Variants in FAXC observed in about 807,000 individuals in gnomAD.
FAXC encodes the protein failed axon connections homolog.
Under a neutral mutation model 41.9 loss-of-function variants are expected in FAXC, and 10 were observed. That is an observed-to-expected ratio of 0.24 (90% confidence interval 0.15 to 0.41). FAXC has a LOEUF of 0.41. FAXC is among the 10% of genes least tolerant of loss of function. The pLI is 1.00. For synonymous variants in FAXC, 183 were observed against 183.8 expected, an observed-to-expected ratio of 1.00 and a Z score of 0.03; for missense variants, 399 against 510.9, an observed-to-expected ratio of 0.78 and a Z score of 2.11.
At chr6:99,322,386 G>C (rs1227351383) in intron 4 of FAXC, among the ~76,000 whole-genome samples, 1 of 152,140 alleles carries the variant, frequency 6.6e-6, no homozygotes, top group African/African-American at 2.4e-5. Flanking sequence ...ATCCAGAACG[G>C]CCTCTACCCA....
In FAXC at chr6:99,349,587, C is replaced by G. The variant is rs111397941; in HGVS notation, c.-215G>C. On this transcript the variant is annotated 5_prime_UTR_variant, in exon 1 of 6. Transcript: ENST00000389677. ...GACGGCGGGCCTGGCCGGCGGGGCC[C>G]CAGAGCCCTGGGCGGCAGCAGCGGC... 1 of 173,884 alleles carries G rather than the reference C, an allele frequency of 5.8e-6. No homozygotes were observed. Among genetic ancestry groups the G allele is most frequent in the Non-Finnish European group, 1.1e-5 (1 of 87,618 alleles). 10.8% of individuals were successfully genotyped at this position (173,884 alleles called of 1,614,324 possible).
intron 4 of FAXC, among the ~76,000 whole-genome samples, chr6:99,294,322 G>A (rs935758224): frequency 4.6e-5 from 7 of 152,178 alleles, no homozygotes; most frequent in African/African-American, 7.2e-5. Flanking sequence ...TGCCTCCACC[G>A]CACCCCTGCT....
chr6:99,284,716 C>A (rs1420316252), intron 5 of FAXC, among the ~76,000 whole-genome samples: 1 of 152,044 alleles, frequency 6.6e-6, no homozygotes, highest in African/African-American at 2.4e-5. Context: ...AGTTCGATAC[C>A]AGCCTGGCCA....
chr6:99,271,552 A>T lies in FAXC; in HGVS notation c.*9612T>A, dbSNP rs563638893. Reference sequence around the variant, plus strand: ...CTAACATGACACTCAAAGGAAACGGACATTGGATCATTTCAGATTTCCAGT... The same window carrying T: ...CTAACATGACACTCAAAGGAAACGGTCATTGGATCATTTCAGATTTCCAGT... On this transcript the variant is annotated 3_prime_UTR_variant, in exon 6 of 6. Transcript: ENST00000389677. The T allele has an allele frequency of 3.3e-5, 5 of 152,336 alleles. No individual in the cohort carries two copies. Among genetic ancestry groups the T allele is most frequent in the African/African-American group, 1.2e-4 (5 of 41,576 alleles). 9.4% of individuals were successfully genotyped at this position (152,336 alleles called of 1,614,324 possible).
At chr6:99,291,910 CT>C in intron 4 of FAXC, 90 bp from the exon 5 acceptor site, 1 of 937,360 alleles carries the variant, frequency 1.1e-6, no homozygotes, top group Non-Finnish European at 1.8e-6. Context: ...TTACATATTC[CT>C]TTACTGATAC....
chr6:99,295,905 T>C (rs1322509701), intron 4 of FAXC, among the ~76,000 whole-genome samples: 1 of 152,226 alleles, frequency 6.6e-6, no homozygotes, highest in Non-Finnish European at 1.5e-5. Context: ...CTAATTTTAG[T>C]GTCCATTGGT....
chr6:99,348,610 T>G (rs1336682643), intron 1 of FAXC, among the ~76,000 whole-genome samples: 1 of 152,196 alleles, frequency 6.6e-6, no homozygotes, highest in Non-Finnish European at 1.5e-5. Context: ...CCACTACACT[T>G]GGTCATGCAT....
intron 4 of FAXC, among the ~76,000 whole-genome samples, chr6:99,306,403 G>C (rs1340921368): frequency 2.0e-5 from 3 of 152,188 alleles, no homozygotes; most frequent in African/African-American, 7.2e-5. Flanking sequence ...CATTCATGGA[G>C]AGAGGTCAGA....
chr6:99,323,194 G>C (rs1206420461), intron 4 of FAXC, among the ~76,000 whole-genome samples: 1 of 152,178 alleles, frequency 6.6e-6, no homozygotes, highest in Non-Finnish European at 1.5e-5. Context: ...AGGTGGTGAG[G>C]CTGAAGCATG....
At chr6:99,293,374 T>C (rs1418442970) in intron 4 of FAXC, among the ~76,000 whole-genome samples, 1 of 152,196 alleles carries the variant, frequency 6.6e-6, no homozygotes, top group Non-Finnish European at 1.5e-5. Context: ...TTATATGTGC[T>C]CACCACTTCT....
At chr6:99,293,704 G>GTGTGTGTC (rs1554198531) in intron 4 of FAXC, among the ~76,000 whole-genome samples, 9 of 101,916 alleles carry the variant, frequency 8.8e-5, no homozygotes, top group African/African-American at 3.1e-4. Context: ...GTGTGTGTGT[G>GTGTGTGTC]TGTGTGTGTC....
intron 1 of FAXC, among the ~76,000 whole-genome samples, chr6:99,346,411 G>C (rs1328716500): frequency 6.6e-6 from 1 of 151,946 alleles, no homozygotes; most frequent in South Asian, 2.1e-4. Context: ...TTTTTGAGAC[G>C]GAGTCTCGCT....
At chr6:99,322,112 G>A (rs977531720) in intron 4 of FAXC, among the ~76,000 whole-genome samples, 3 of 152,194 alleles carry the variant, frequency 2.0e-5, no homozygotes, top group African/African-American at 7.2e-5. Flanking sequence ...AGGTCTACCT[G>A]GTCCCAGTGG....
At chr6:99,307,180 A>G (rs1771958906) in intron 4 of FAXC, among the ~76,000 whole-genome samples, 2 of 152,224 alleles carry the variant, frequency 1.3e-5, no homozygotes, top group South Asian at 2.1e-4. Context: ...AGAGCCAACT[A>G]GTAGCAGGTC....
chr6:99,322,530 G>A (rs1258334588), intron 4 of FAXC, among the ~76,000 whole-genome samples: 1 of 152,186 alleles, frequency 6.6e-6, no homozygotes, highest in African/African-American at 2.4e-5. Flanking sequence ...TACTGCAGAT[G>A]AGGGAGAGCC....
At chr6:99,311,066 T>C (rs939064118) in intron 4 of FAXC, among the ~76,000 whole-genome samples, 15 of 152,266 alleles carry the variant, frequency 9.9e-5, no homozygotes, top group Admixed American at 9.8e-4. Flanking sequence ...GGAAGATTCA[T>C]TGTTCAAAGC....
chr6:99,336,681 G>A (rs1403045907), intron 2 of FAXC, among the ~76,000 whole-genome samples: 2 of 152,116 alleles, frequency 1.3e-5, no homozygotes, highest in African/African-American at 2.4e-5. Context: ...ATTTATTCAC[G>A]GAGTGACCCT....
intron 4 of FAXC, among the ~76,000 whole-genome samples, chr6:99,297,467 C>T (rs990527945): frequency 1.3e-5 from 2 of 152,058 alleles, no homozygotes; most frequent in African/African-American, 2.4e-5. Flanking sequence ...AAAGCTGAAG[C>T]GAGCTGAACT....
intron 2 of FAXC, among the ~76,000 whole-genome samples, chr6:99,341,944 C>T (rs1272507129): frequency 1.3e-5 from 2 of 151,960 alleles, no homozygotes; most frequent in African/African-American, 4.8e-5. Context: ...ATGGCTAGAA[C>T]TTGGTTAAAA....
Sources: allele counts gnomAD v4.1 joint callset (sites outside exome capture counted in the v4.1 genomes callset), GRCh38; gene constraint gnomAD v4.1.1; transcripts MANE v1.5; gene names NCBI Gene and HGNC (gene_info 2026-07-23, HGNC 2026-07-21).